The following DPP10 variants were observed in gnomAD, a reference collection of about 807,000 sequenced individuals.
DPP10 encodes dipeptidyl peptidase like 10.
DPP10 carries 33 observed loss-of-function variants against 120.9 expected under a neutral mutation model. The observed-to-expected ratio is 0.27, with a 90% CI of 0.21 to 0.37. The LOEUF is 0.37. Ranked by LOEUF, DPP10 falls within the 10% of genes least tolerant of loss-of-function variation. The probability of loss-of-function intolerance (pLI) is 1.00; values close to 1 mark genes in which losing one functional copy is unlikely to be tolerated. For synonymous variants in DPP10, 337 were observed against 326.1 expected (o/e 1.03, Z -0.36); for missense variants, 816 against 942.8 (o/e 0.87, Z 1.76).
At chr2:115,574,430 G>C (rs6725588) in intron 5 of DPP10, among the ~76,000 whole-genome samples, 93,764 of 151,938 alleles carry the variant, frequency 0.62, 29,682 homozygotes, top group Middle Eastern at 0.76. Context: ...CTCTACTTCA[G>C]CTTTAGCTCC....
intron 5 of DPP10, among the ~76,000 whole-genome samples, chr2:115,552,448 C>T (rs576222591): frequency 7.2e-5 from 11 of 152,122 alleles, no homozygotes; most frequent in African/African-American, 1.2e-4. Context: ...TTGCCTCACA[C>T]GGAATTATTA....
intron 1 of DPP10, among the ~76,000 whole-genome samples, chr2:114,516,412 C>T (rs898606947): frequency 2.6e-5 from 4 of 152,208 alleles, no homozygotes; most frequent in African/African-American, 9.6e-5. Flanking sequence ...TGTGATGAGA[C>T]TCTGCTGTTT....
At chr2:115,795,675 A>G (rs1326094635) in intron 19 of DPP10, among the ~76,000 whole-genome samples, 1 of 152,150 alleles carries the variant, frequency 6.6e-6, no homozygotes, top group Non-Finnish European at 1.5e-5. Context: ...AGCATGATAT[A>G]AGTAACTGAT....
chr2:115,627,732 A>G (rs115809583), intron 5 of DPP10, among the ~76,000 whole-genome samples: 3,714 of 151,958 alleles, frequency 0.024, 73 homozygotes, highest in Non-Finnish European at 0.036. Flanking sequence ...CCCTGTGTCA[A>G]TATGTTCTCA....
At chr2:114,739,417 G>T (rs562195082) in intron 1 of DPP10, among the ~76,000 whole-genome samples, 1 of 152,148 alleles carries the variant, frequency 6.6e-6, no homozygotes, top group African/African-American at 2.4e-5. Context: ...CCAGCACTGT[G>T]GGAGGCCAAG....
intron 1 of DPP10, among the ~76,000 whole-genome samples, chr2:114,765,138 T>C (rs1680599541): frequency 6.6e-6 from 1 of 152,194 alleles, no homozygotes; most frequent in Non-Finnish European, 1.5e-5. Context: ...CTTCTGATTC[T>C]TATTCTTTCA....
chr2:115,016,431 G>A lies in DPP10; in HGVS notation c.61-292808G>A, dbSNP rs145419515. On this transcript the variant is annotated intron_variant, in intron 1 of 25. Transcript: ENST00000410059. ...AGAAAACCTAGGCAATACCATTCAG[G>A]ATATAGGCATGGGCGAAGACTTCAT... 1.5e-3 allele frequency among the ~76,000 whole-genome samples: 235 copies of A among 152,236 alleles called. 1 individual carries two copies. Among genetic ancestry groups the A allele is most frequent in the African/African-American group, 5.4e-3 (224 of 41,538 alleles).
chr2:115,239,195 C>G (rs2058146920), intron 1 of DPP10, among the ~76,000 whole-genome samples: 1 of 152,158 alleles, frequency 6.6e-6, no homozygotes, highest in Admixed American at 6.6e-5. Flanking sequence ...CAATAGCTTG[C>G]ATCCTTCAAT....
At chr2:115,035,306 C>G (rs1279717087) in intron 1 of DPP10, among the ~76,000 whole-genome samples, 1 of 152,242 alleles carries the variant, frequency 6.6e-6, no homozygotes, top group Non-Finnish European at 1.5e-5. Context: ...GAACAGGGTA[C>G]TGTCTCCTCA....
chr2:114,909,510 T>C (rs116208384), intron 1 of DPP10, among the ~76,000 whole-genome samples: 3,837 of 152,016 alleles, frequency 0.025, 153 homozygotes, highest in African/African-American at 0.083. Context: ...CCAGATTCCC[T>C]AAAATGCATT....
At chr2:114,935,458 G>A (rs897916122) in intron 1 of DPP10, among the ~76,000 whole-genome samples, 1 of 152,132 alleles carries the variant, frequency 6.6e-6, no homozygotes, top group South Asian at 2.1e-4. Context: ...GCCATGTTAT[G>A]TGTAAGTAGT....
intron 7 of DPP10, among the ~76,000 whole-genome samples, chr2:115,694,715 T>A (rs2091489133): frequency 6.6e-6 from 1 of 152,166 alleles, no homozygotes; most frequent in South Asian, 2.1e-4. Flanking sequence ...TTGAGAACTC[T>A]AGTCTATTGA....
In DPP10 at chr2:114,749,709, G is replaced by A. The variant is rs535483095; in HGVS notation, c.60+306871G>A. 1.0e-3 allele frequency among the ~76,000 whole-genome samples: 151 copies of A among 151,690 alleles called. 2 individuals are homozygous for A. The South Asian group carries it at 0.028, about 28-fold the overall frequency. On this transcript the variant is annotated intron_variant, in intron 1 of 25. Transcript: ENST00000410059. ...TCTTGCCTTGGTCTCACAACAAGCCGGGATTACAGGCATGAGCCACCACAC... is the reference window on the plus strand; with the variant it reads ...TCTTGCCTTGGTCTCACAACAAGCCAGGATTACAGGCATGAGCCACCACAC...
intron 1 of DPP10, chr2:114,461,991 C>T (rs540204002): frequency 7.1e-6 from 7 of 985,242 alleles, no homozygotes; most frequent in African/African-American, 1.7e-5. Context: ...CCTGCTGAAT[C>T]GAAAGGAAGT....
chr2:115,740,592 C>G (rs539808849), intron 9 of DPP10, among the ~76,000 whole-genome samples: 2 of 152,126 alleles, frequency 1.3e-5, no homozygotes, highest in East Asian at 3.9e-4. Flanking sequence ...TTAGGTAAGA[C>G]AGATGGAATT....
chr2:114,535,846 C>T (rs764158406), intron 1 of DPP10, among the ~76,000 whole-genome samples: 2 of 152,192 alleles, frequency 1.3e-5, no homozygotes, highest in East Asian at 1.9e-4. Flanking sequence ...TAACTGCCCT[C>T]GTATTTTCAA....
intron 1 of DPP10, among the ~76,000 whole-genome samples, chr2:114,708,228 C>T (rs1029765390): frequency 6.6e-6 from 1 of 152,168 alleles, no homozygotes; most frequent in Non-Finnish European, 1.5e-5. Context: ...TCTGTTCATG[C>T]CCACTTCATA....
At chr2:115,727,698 A>C in intron 7 of DPP10, 118 bp from the exon 8 acceptor site, 1 of 1,148,628 alleles carries the variant, frequency 8.7e-7, no homozygotes, top group Non-Finnish European at 1.2e-6. Context: ...GAATAAAAAC[A>C]ACTTGAAGCC....
rs557772900 is a variant in DPP10 at position 115,113,215 on chromosome 2, T to C, written c.61-196024T>C. The stretch of plus-strand genomic sequence containing the variant: ...ATGCTGTATTTTGGTGTTTGTTTTG[T>C]ATGTTTTACTTGTTATATATACCAT... On this transcript the variant is annotated intron_variant, in intron 1 of 25. Coordinates refer to ENST00000410059, the MANE Select transcript of DPP10 (RefSeq NM_020868.6). Among the ~76,000 whole-genome samples the C allele has an allele frequency of 1.8e-3, 281 of 151,928 alleles. 2 individuals are homozygous for C. The highest frequency in any genetic ancestry group is 6.4e-3 in the African/African-American group (265 of 41,466).
Sources: allele counts gnomAD v4.1 joint callset (sites outside exome capture counted in the v4.1 genomes callset), GRCh38; gene constraint gnomAD v4.1.1; transcripts MANE v1.5; gene names NCBI Gene and HGNC (gene_info 2026-07-23, HGNC 2026-07-21).